Variants in MET observed in about 807,000 individuals in gnomAD.
The protein encoded by MET is hepatocyte growth factor receptor.
MET carries 48 observed loss-of-function variants against 133.1 expected under a neutral mutation model. That is an observed-to-expected ratio of 0.36 (90% CI 0.29 to 0.46). The LOEUF is 0.46. MET is among the 20% of genes least tolerant of loss of function. MET has a pLI of 1.00. For missense variants in MET, 1,442 were observed against 1,695.9 expected (o/e 0.85, Z 2.63); for synonymous variants, 628 against 616.5 (o/e 1.02, Z -0.28).
chr7:116,689,665 C>T (rs1487748127), intron 1 of MET, among the ~76,000 whole-genome samples: 2 of 147,856 alleles, frequency 1.4e-5, no homozygotes, highest in Non-Finnish European at 3.0e-5. Context: ...ACCTCCCTAG[C>T]TCAAGTGATT....
intron 1 of MET, among the ~76,000 whole-genome samples, chr7:116,691,050 G>T (rs1334178056): frequency 1.3e-5 from 2 of 152,168 alleles, no homozygotes; most frequent in African/African-American, 4.8e-5. Context: ...ACTCTGGCAA[G>T]TCTTCCTGGA....
At chr7:116,786,727 T>G (rs1351070608) in intron 19 of MET, among the ~76,000 whole-genome samples, 1 of 152,222 alleles carries the variant, frequency 6.6e-6, no homozygotes, top group Non-Finnish European at 1.5e-5. Context: ...CATTTGATGT[T>G]TCAGTCCTTA....
At position 116,749,267 on chromosome 7, in the gene MET, A is replaced by G. The variant is rs139956298; in HGVS notation, c.1702-6088A>G. ...TCAAAAAGCTTATCCACCACAATCA[A>G]GTTGGCTTCATCCCTGGAATGTAAG... is the stretch of plus-strand genomic sequence containing the variant. On this transcript the variant is annotated intron_variant, in intron 5 of 20. Coordinates refer to ENST00000397752, the MANE Select transcript of MET (RefSeq NM_000245.4). Among the ~76,000 whole-genome samples the G allele has an allele frequency of 4.6e-5, 7 of 152,352 alleles. No individual in the cohort carries two copies. In the East Asian group the frequency reaches 1.3e-3, roughly 29 times the overall value.
In MET at chr7:116,787,680, T is replaced by C. The variant is rs562259176; in HGVS notation, c.3798+4211T>C. Among the ~76,000 whole-genome samples the C allele has an allele frequency of 5.0e-4, 76 of 152,346 alleles. 1 individual carries two copies. The highest frequency in any genetic ancestry group is 1.7e-3 in the African/African-American group (72 of 41,576). ...TCTTAAAGATCCCTCCTCTGAACAC[T>C]GTTGCATTGGGAGGGGATTAAGTGT... On this transcript the variant is annotated intron_variant, in intron 19 of 20. Coordinates refer to ENST00000397752, the MANE Select transcript of MET (RefSeq NM_000245.4).
intron 3 of MET, among the ~76,000 whole-genome samples, chr7:116,734,353 G>A (rs1793134778): frequency 6.6e-6 from 1 of 152,222 alleles, no homozygotes; most frequent in Admixed American, 6.5e-5. Flanking sequence ...GTTTGCAGCT[G>A]TTTCTGTCTT....
At chr7:116,674,362 C>T (rs1327796740) in intron 1 of MET, among the ~76,000 whole-genome samples, 1 of 152,100 alleles carries the variant, frequency 6.6e-6, no homozygotes, top group Non-Finnish European at 1.5e-5. Context: ...GAGAAATACC[C>T]ATATTTTATA....
chr7:116,771,947 G>A lies in MET; in HGVS notation c.2986G>A (p.Val996Ile), dbSNP rs773447798. ...ARSVSPTTEM[V>I]SNESVDYRAT... ...AAGTGTAAGCCCAACTACAGAAATG[G>A]TTTCAAATGAATCTGTAGACTACCG... Residue 996 changes from valine to isoleucine, a missense_variant, in exon 14 of 21, where the codon GTT becomes ATT. Physicochemically the swap from Val to Ile is conservative, Grantham distance 29. Transcript: ENST00000397752. 3.7e-6 allele frequency: 6 copies of A among 1,613,756 alleles called. No individual in the cohort carries two copies. The highest frequency in any genetic ancestry group is 5.1e-6 in the Non-Finnish European group (6 of 1,179,856).
rs199897137 is a variant in MET at position 116,719,663 on chromosome 7, T to C, written c.1201-12005T>C. On this transcript the variant is annotated intron_variant, in intron 2 of 20. Coordinates refer to ENST00000397752, the MANE Select transcript of MET (RefSeq NM_000245.4). ...CTTTAATCCATCTTGAATAAATTTT[T>C]GTATAAGGTGTAAGGAAGGGATCCA... 1.2e-4 allele frequency among the ~76,000 whole-genome samples: 18 copies of C among 152,344 alleles called. No homozygotes were observed. In the East Asian group the frequency reaches 3.5e-3, roughly 29 times the overall value.
intron 2 of MET, among the ~76,000 whole-genome samples, chr7:116,716,499 AAGAAAG>A (rs1419026302): frequency 2.7e-5 from 4 of 150,852 alleles, no homozygotes; most frequent in Non-Finnish European, 4.4e-5. Context: ...GAAAGAAAGA[AAGAAAG>A]AAAGAAAGAA....
At chr7:116,704,328 T>C (rs1442868774) in intron 2 of MET, among the ~76,000 whole-genome samples, 2 of 152,084 alleles carry the variant, frequency 1.3e-5, no homozygotes, top group Non-Finnish European at 2.9e-5. Flanking sequence ...AACCCCACCG[T>C]CTTCTACCTG....
chr7:116,696,222 G>A (rs1796961916), intron 1 of MET, among the ~76,000 whole-genome samples: 1 of 152,070 alleles, frequency 6.6e-6, no homozygotes, highest in Non-Finnish European at 1.5e-5. Context: ...ATCATTTCCA[G>A]TCGAGTTGGT....
At chr7:116,687,826 G>C (rs1796615209) in intron 1 of MET, among the ~76,000 whole-genome samples, 1 of 152,180 alleles carries the variant, frequency 6.6e-6, no homozygotes, top group Non-Finnish European at 1.5e-5. Flanking sequence ...TTTGAGACTA[G>C]AGGGGGCTTG....
intron 2 of MET, among the ~76,000 whole-genome samples, chr7:116,730,205 G>A (rs750238911): frequency 2.6e-5 from 4 of 152,144 alleles, no homozygotes; most frequent in Non-Finnish European, 4.4e-5. Context: ...AAGGTGGAAG[G>A]AGCATTTCAA....
intron 1 of MET, among the ~76,000 whole-genome samples, chr7:116,691,167 A>G (rs1011725698): frequency 6.6e-6 from 1 of 152,128 alleles, no homozygotes; most frequent in African/African-American, 2.4e-5. Flanking sequence ...ATGTTGAAAT[A>G]TTTTCCAGTT....
chr7:116,770,532 G>A lies in MET; in HGVS notation c.2730+741G>A, dbSNP rs184359541. 6.3e-4 allele frequency among the ~76,000 whole-genome samples: 95 copies of A among 151,778 alleles called. 1 individual carries two copies. The highest frequency in any genetic ancestry group is 2.1e-3 in the African/African-American group (88 of 41,374). On this transcript the variant is annotated intron_variant, in intron 12 of 20. Coordinates refer to ENST00000397752, the MANE Select transcript of MET (RefSeq NM_000245.4). ...CATTACCTAATTCCAGAACTTTTTCGTCACCCCAAACAGATACTCTATAAC... is the reference window on the plus strand; with the variant it reads ...CATTACCTAATTCCAGAACTTTTTCATCACCCCAAACAGATACTCTATAAC...
At chr7:116,772,855 A>G (rs1274741509) in intron 14 of MET, among the ~76,000 whole-genome samples, 6 of 152,186 alleles carry the variant, frequency 3.9e-5, no homozygotes, top group East Asian at 3.8e-4. Flanking sequence ...TGTTATTTCT[A>G]TGGAGATACA....
intron 1 of MET, among the ~76,000 whole-genome samples, chr7:116,685,775 T>C (rs1796529696): frequency 6.6e-6 from 1 of 152,120 alleles, no homozygotes; most frequent in South Asian, 2.1e-4. Context: ...CCAACCAGAG[T>C]CTGCATGTCG....
chr7:116,724,974 G>C, intron 2 of MET: 2 of 768,512 alleles, frequency 2.6e-6, no homozygotes, highest in Non-Finnish European at 3.6e-6. Flanking sequence ...AAATGCTAAG[G>C]TCATGCAACT....
At chr7:116,686,244 G>A (rs770022379) in intron 1 of MET, among the ~76,000 whole-genome samples, 44 of 152,202 alleles carry the variant, frequency 2.9e-4, no homozygotes, top group South Asian at 2.1e-3. Context: ...CTCAGCTCCC[G>A]GTCAACAAAG....
Sources: allele counts gnomAD v4.1 joint callset (sites outside exome capture counted in the v4.1 genomes callset), GRCh38; gene constraint gnomAD v4.1.1; transcripts MANE v1.5; gene names NCBI Gene and HGNC (gene_info 2026-07-23, HGNC 2026-07-21).